The following ABI1 variants were observed in gnomAD, a reference collection of about 807,000 sequenced individuals.
ABI1 encodes the protein Abelson interactor 1.
ABI1 carries 14 observed loss-of-function variants against 54.6 expected under a neutral mutation model. The ratio of observed to expected loss-of-function variants is 0.26; its 90% CI spans 0.17 to 0.40. ABI1 has a LOEUF of 0.40. Among genes scored for constraint, ABI1 ranks in the 10% least tolerant of loss-of-function variants. ABI1 has a pLI of 1.00. For synonymous variants in ABI1, 194 were observed against 209.3 expected (o/e 0.93, Z 0.63); for missense variants, 443 against 598.3 (o/e 0.74, Z 2.71).
chr10:26,859,963 G>C (rs2051158353), intron 1 of ABI1, among the ~76,000 whole-genome samples: 1 of 151,924 alleles, frequency 6.6e-6, no homozygotes, highest in South Asian at 2.1e-4. Context: ...AATACATTAT[G>C]GTGGGGCGGA....
rs1176137876 is a variant in ABI1 at position 26,747,025 on chromosome 10, T to C, written c.*1545A>G. 1 of 226,364 alleles carries C rather than the reference T, an allele frequency of 4.4e-6. No individual in the cohort carries two copies. 14.0% of individuals were successfully genotyped at this position (226,364 alleles called of 1,614,324 possible). ...AGCTAGCTGATCACTAATGATACTT[T>C]GTTTGTTTAAAATTAACAAAGGCAA... is the stretch of plus-strand genomic sequence containing the variant. On this transcript the variant is annotated 3_prime_UTR_variant, in exon 11 of 11. Transcript: ENST00000376140.
intron 1 of ABI1, among the ~76,000 whole-genome samples, chr10:26,859,244 GA>G (rs960293666): frequency 6.6e-6 from 1 of 151,006 alleles, no homozygotes; most frequent in Non-Finnish European, 1.5e-5. Context: ...GTGAAAGCTT[GA>G]AAAAAAAATT....
At chr10:26,761,728 G>T (rs1839256059) in intron 7 of ABI1, among the ~76,000 whole-genome samples, 1 of 141,834 alleles carries the variant, frequency 7.1e-6, no homozygotes, top group South Asian at 2.2e-4. Flanking sequence ...ATAAACTTTT[G>T]TAATGGAATC....
At chr10:26,788,675 C>T (rs972068006) in intron 2 of ABI1, among the ~76,000 whole-genome samples, 3 of 151,772 alleles carry the variant, frequency 2.0e-5, no homozygotes, top group Admixed American at 6.6e-5. Context: ...CACTTTGGGA[C>T]GCCGAGGTGG....
chr10:26,761,412 A>G (rs1407428697), intron 7 of ABI1, among the ~76,000 whole-genome samples: 1 of 151,606 alleles, frequency 6.6e-6, no homozygotes, highest in African/African-American at 2.4e-5. Flanking sequence ...ATAATGCCAA[A>G]GAGTGTGTGA....
At position 26,759,136 on chromosome 10, in the gene ABI1, C is replaced by T. The variant is rs749435530; in HGVS notation, c.923G>A (p.Arg308Gln). ...TSSTSSGGYR[R>Q]TPSVTAQFSA... ...AAATTGAGCAGTCACAGAGGGAGTT[C>T]GTCTGTATCCACCAGAAGATGTCGA... The change falls in exon 8 of 11, where the codon CGA becomes CAA. Residue 308 changes from arginine (R) to glutamine (Q), a missense_variant. Physicochemically the swap from Arg to Gln is conservative, Grantham distance 43. This residue lies in a region of ABI1 where 394 missense variants were observed against 484.8 expected (regional missense o/e 0.81). Transcript: ENST00000376140. 3.1e-6 allele frequency: 5 copies of T among 1,614,052 alleles called. No individual in the cohort carries two copies. The Admixed American group carries it at 5.0e-5, about 16-fold the overall frequency.
intron 1 of ABI1, among the ~76,000 whole-genome samples, chr10:26,859,076 C>T (rs755145626): frequency 2.0e-5 from 3 of 152,060 alleles, no homozygotes; most frequent in African/African-American, 4.8e-5. Context: ...TTTTTAATAT[C>T]GATAAACTAC....
chr10:26,759,130 G>T lies in ABI1; in HGVS notation c.929C>A (p.Pro310His). Residue 310 changes from proline to histidine, a missense_variant, in exon 8 of 11, where the codon CCC (proline) becomes CAC (histidine). This residue lies in a region of ABI1 where 394 missense variants were observed against 484.8 expected (regional missense o/e 0.81). Transcript: ENST00000376140. ...STSSGGYRRT[P>H]SVTAQFSAQP... Reference sequence around the variant, plus strand: ...AGCAGAAAATTGAGCAGTCACAGAGGGAGTTCGTCTGTATCCACCAGAAGA... The same window carrying T: ...AGCAGAAAATTGAGCAGTCACAGAGTGAGTTCGTCTGTATCCACCAGAAGA... 1 of 1,614,080 alleles carries T rather than the reference G, an allele frequency of 6.2e-7. No individual in the cohort carries two copies. Among genetic ancestry groups the T allele is most frequent in the South Asian group, 1.1e-5 (1 of 91,078 alleles).
intron 4 of ABI1, chr10:26,770,605 A>T (rs1840569362): frequency 4.7e-6 from 3 of 643,930 alleles, no homozygotes; most frequent in East Asian, 6.4e-5. Context: ...ATTGTTAAAC[A>T]TGTTCACTGA....
intron 1 of ABI1, among the ~76,000 whole-genome samples, chr10:26,850,466 T>C (rs549211360): frequency 4.3e-4 from 66 of 151,960 alleles, no homozygotes; most frequent in African/African-American, 1.5e-3. Context: ...AAGACCAGCC[T>C]GGCCAACACG....
At chr10:26,766,337 A>G (rs1839949739) in intron 6 of ABI1, among the ~76,000 whole-genome samples, 1 of 152,206 alleles carries the variant, frequency 6.6e-6, no homozygotes, top group African/African-American at 2.4e-5. Flanking sequence ...ATCTTGTGCC[A>G]TCCAGTTGTT....
At position 26,838,878 on chromosome 10, in the gene ABI1, G is replaced by A. The variant is rs528521282; in HGVS notation, c.118-15573C>T. Among the ~76,000 whole-genome samples the A allele has an allele frequency of 2.4e-4, 36 of 152,250 alleles. 1 individual carries two copies. Among genetic ancestry groups the A allele is most frequent in the Admixed American group, 6.5e-4 (10 of 15,296 alleles). ...AACCGCTACGTCTCCCAAAGACCAC[G>A]GTCTGCCACTATGCCACACTGCCTC... is the stretch of plus-strand genomic sequence containing the variant. On this transcript the variant is annotated intron_variant, in intron 1 of 10. Transcript: ENST00000376140.
At chr10:26,846,660 T>C (rs1225265509) in intron 1 of ABI1, among the ~76,000 whole-genome samples, 1 of 152,158 alleles carries the variant, frequency 6.6e-6, no homozygotes, top group Non-Finnish European at 1.5e-5. Context: ...AAACTTTCAA[T>C]GCCTTCTCAT....
At position 26,807,751 on chromosome 10, in the gene ABI1, CCTAA is replaced by C. The variant is rs1308446600; in HGVS notation, c.285+15383_285+15386del. On this transcript the variant is annotated intron_variant, in intron 2 of 10. Coordinates refer to ENST00000376140, the MANE Select transcript of ABI1 (RefSeq NM_001012750.3). ...CTGGGTCACAAGCTATATGCAGTTT[CCTAA>C]CTGAGTTTTAGCTGTCTAGCATGGT... 7.2e-5 allele frequency among the ~76,000 whole-genome samples: 11 copies of C among 152,280 alleles called. No individual in the cohort carries two copies. The East Asian group carries it at 1.5e-3, about 21-fold the overall frequency.
At chr10:26,750,355 G>A (rs1048081768) in intron 10 of ABI1, among the ~76,000 whole-genome samples, 7 of 152,114 alleles carry the variant, frequency 4.6e-5, no homozygotes, top group Admixed American at 6.5e-5. Flanking sequence ...TTAGCTGGGC[G>A]TGGTGGCGGG....
At chr10:26,793,140 T>C (rs1482261842) in intron 2 of ABI1, among the ~76,000 whole-genome samples, 2 of 152,280 alleles carry the variant, frequency 1.3e-5, no homozygotes, top group Non-Finnish European at 2.9e-5. Flanking sequence ...TGCTAAAAAA[T>C]AACTACAGAA....
chr10:26,830,896 G>A (rs576592546), intron 1 of ABI1, among the ~76,000 whole-genome samples: 4 of 151,984 alleles, frequency 2.6e-5, no homozygotes, highest in African/African-American at 4.8e-5. Context: ...CAAATATTTT[G>A]CCCATTTTTT....
chr10:26,835,444 G>A (rs1397688564), intron 1 of ABI1, among the ~76,000 whole-genome samples: 2 of 151,988 alleles, frequency 1.3e-5, no homozygotes, highest in Non-Finnish European at 2.9e-5. Context: ...GTGTGGTGGT[G>A]CACACCTGTG....
chr10:26,758,347 T>C (rs1391359894), intron 8 of ABI1, among the ~76,000 whole-genome samples: 1 of 152,160 alleles, frequency 6.6e-6, no homozygotes, highest in Non-Finnish European at 1.5e-5. Context: ...CTAATTTTGT[T>C]TTTTTTCCTT....
Sources: gnomAD v4.1 joint callset for allele counts (sites outside exome capture counted in the v4.1 genomes callset) on GRCh38, gnomAD v4.1.1 for gene constraint, gnomAD v4.1.1 regional missense constraint, MANE v1.5 for transcripts, NCBI Gene and HGNC (gene_info 2026-07-23, HGNC 2026-07-21) for gene names.